RARB: variants seen among roughly 807,000 people sequenced by gnomAD.
RARB encodes retinoic acid receptor beta.
RARB carries 17 observed loss-of-function variants against 51.9 expected under a neutral mutation model. The ratio of observed to expected loss-of-function variants is 0.33; its 90% CI spans 0.22 to 0.49. RARB has a LOEUF of 0.49. Among genes scored for constraint, RARB ranks in the 20% least tolerant of loss-of-function variants. RARB has a pLI of 0.99. For synonymous variants in RARB, 215 were observed against 195.4 expected, an observed-to-expected ratio of 1.10 and a Z score of -0.84; for missense variants, 369 against 550.8, an observed-to-expected ratio of 0.67 and a Z score of 3.30.
At chr3:25,150,962 G>A (rs1249236047) in intron 4 of RARB, among the ~76,000 whole-genome samples, 4 of 152,216 alleles carry the variant, frequency 2.6e-5, no homozygotes, top group African/African-American at 7.2e-5. Context: ...ATATACGTTG[G>A]GGGTGAGGGG....
At chr3:25,451,769 C>T (rs1201608044) in intron 1 of RARB, among the ~76,000 whole-genome samples, 1 of 152,146 alleles carries the variant, frequency 6.6e-6, no homozygotes, top group South Asian at 2.1e-4. Context: ...AGTACATAAG[C>T]AACGAATGTG....
At chr3:25,564,779 CTT>C (rs755425953) in intron 3 of RARB, among the ~76,000 whole-genome samples, 3 of 152,114 alleles carry the variant, frequency 2.0e-5, no homozygotes, top group Non-Finnish European at 4.4e-5. Flanking sequence ...TTGCTCCTCT[CTT>C]TGCCTCTCCA....
chr3:25,345,404 C>T (rs147666828), intron 5 of RARB, among the ~76,000 whole-genome samples: 2,404 of 152,158 alleles, frequency 0.016, 67 homozygotes, highest in African/African-American at 0.054. Flanking sequence ...TGGTGGCTCA[C>T]GCCTGTAATC....
At chr3:25,299,216 T>A (rs1434128348) in intron 5 of RARB, among the ~76,000 whole-genome samples, 2 of 152,130 alleles carry the variant, frequency 1.3e-5, no homozygotes, top group Non-Finnish European at 2.9e-5. Flanking sequence ...TTAACCTCAA[T>A]TCAGAGAATC....
At chr3:25,201,972 C>T (rs934377710) in intron 5 of RARB, among the ~76,000 whole-genome samples, 12 of 152,162 alleles carry the variant, frequency 7.9e-5, no homozygotes, top group Admixed American at 2.6e-4. Flanking sequence ...GGAGGATTCC[C>T]TCTTTTTCTA....
intron 5 of RARB, among the ~76,000 whole-genome samples, chr3:25,369,243 T>A (rs1706226824): frequency 6.6e-6 from 1 of 152,242 alleles, no homozygotes; most frequent in African/African-American, 2.4e-5. Flanking sequence ...TTATTTTATA[T>A]ATGACACTGT....
At chr3:24,853,221 G>A (rs901382365) in intron 1 of RARB, among the ~76,000 whole-genome samples, 2 of 151,996 alleles carry the variant, frequency 1.3e-5, no homozygotes, top group African/African-American at 2.4e-5. Context: ...GGAGGCTGAG[G>A]CAGGAGAATG....
intron 2 of RARB, among the ~76,000 whole-genome samples, chr3:25,036,314 A>G (rs901450202): frequency 6.6e-6 from 1 of 152,048 alleles, no homozygotes; most frequent in Non-Finnish European, 1.5e-5. Flanking sequence ...AAGCCATACC[A>G]CTAATCAGTA....
In RARB at chr3:24,899,639, C is replaced by G. The variant is rs78904247; in HGVS notation, c.-380+40887C>G. 7.2e-3 allele frequency among the ~76,000 whole-genome samples: 1,091 copies of G among 152,080 alleles called. 14 individuals carry two copies. The highest frequency in any genetic ancestry group is 0.025 in the African/African-American group (1,040 of 41,474). Reference sequence around the variant, plus strand: ...CCAGACTAATAAGCTGGGTAGTGTTCTCCCCTGATGAATGGTTGTTTTGAG... The same window carrying G: ...CCAGACTAATAAGCTGGGTAGTGTTGTCCCCTGATGAATGGTTGTTTTGAG... On this transcript the variant is annotated intron_variant, in intron 2 of 11. Transcript: ENST00000383772.
At chr3:25,190,163 C>G (rs1011411199) in intron 5 of RARB, among the ~76,000 whole-genome samples, 5 of 150,386 alleles carry the variant, frequency 3.3e-5, no homozygotes, top group African/African-American at 9.8e-5. Flanking sequence ...GTATCTAGAA[C>G]TTTCCCATGG....
At chr3:25,125,150 ACC>A (rs1216505083) in intron 3 of RARB, among the ~76,000 whole-genome samples, 1 of 152,310 alleles carries the variant, frequency 6.6e-6, no homozygotes, top group East Asian at 1.9e-4. Flanking sequence ...AACACACTCT[ACC>A]CAGACACATA....
chr3:25,179,800 A>G (rs770040061), intron 5 of RARB, among the ~76,000 whole-genome samples: 2 of 152,124 alleles, frequency 1.3e-5, no homozygotes, highest in African/African-American at 4.8e-5. Flanking sequence ...TTTCCCCCCA[A>G]AAACAAGAAT....
intron 5 of RARB, among the ~76,000 whole-genome samples, chr3:25,350,217 G>A (rs1282364104): frequency 2.0e-5 from 3 of 152,142 alleles, no homozygotes; most frequent in Non-Finnish European, 4.4e-5. Context: ...CAGGGGCATG[G>A]ACACCAGCAA....
chr3:25,141,191 A>AT (rs1325651802), intron 4 of RARB, among the ~76,000 whole-genome samples: 1 of 152,132 alleles, frequency 6.6e-6, no homozygotes, highest in Non-Finnish European at 1.5e-5. Context: ...ACACTATGAG[A>AT]TGAAATTCTT....
intron 2 of RARB, among the ~76,000 whole-genome samples, chr3:25,006,074 G>C (rs546143211): frequency 3.6e-4 from 54 of 152,066 alleles, no homozygotes; most frequent in South Asian, 3.3e-3. Context: ...ACAGCCAAAG[G>C]GTTCACTCTT....
chr3:24,919,806 T>C (rs1695182206), intron 2 of RARB, among the ~76,000 whole-genome samples: 1 of 152,214 alleles, frequency 6.6e-6, no homozygotes, highest in Non-Finnish European at 1.5e-5. Flanking sequence ...CTTTTCAAAG[T>C]GCTGTCTCTA....
intron 5 of RARB, among the ~76,000 whole-genome samples, chr3:25,205,148 C>G (rs1252487427): frequency 1.3e-5 from 2 of 152,152 alleles, no homozygotes; most frequent in Non-Finnish European, 2.9e-5. Flanking sequence ...CCCAGCCTCT[C>G]TGCCACCTTG....
At chr3:25,339,174 G>C (rs1254638832) in intron 5 of RARB, among the ~76,000 whole-genome samples, 3 of 152,148 alleles carry the variant, frequency 2.0e-5, no homozygotes, top group Non-Finnish European at 4.4e-5. Context: ...AAATTGTATT[G>C]CCTTGTCCTA....
At chr3:25,471,632 A>G (rs1352705223) in intron 2 of RARB, among the ~76,000 whole-genome samples, 1 of 151,810 alleles carries the variant, frequency 6.6e-6, no homozygotes, top group East Asian at 1.9e-4. Context: ...CGTGGTAAAA[A>G]TAGTTTATTT....
Sources: gnomAD v4.1 joint callset for allele counts (sites outside exome capture counted in the v4.1 genomes callset) on GRCh38, gnomAD v4.1.1 for gene constraint, MANE v1.5 for transcripts, NCBI Gene and HGNC (gene_info 2026-07-23, HGNC 2026-07-21) for gene names.